FRMPD1: variants seen among roughly 807,000 people sequenced by gnomAD.
FRMPD1 encodes FERM and PDZ domain-containing protein 1.
FRMPD1 carries 76 observed loss-of-function variants against 117.8 expected under a neutral mutation model. The ratio of observed to expected loss-of-function variants is 0.65; its 90% CI spans 0.54 to 0.78. The LOEUF (loss-of-function observed/expected upper bound fraction) is 0.78. Among genes scored for constraint, FRMPD1 ranks in the 30% least tolerant of loss-of-function variants. The pLI is 0.00. For missense variants in FRMPD1, 1,786 were observed against 1,964.5 expected (o/e 0.91, Z 1.72); for synonymous variants, 783 against 770.4 (o/e 1.02, Z -0.27).
At chr9:37,696,051 CTTTTTTTTTT>C (rs61521469) in intron 2 of FRMPD1, among the ~76,000 whole-genome samples, 2 of 78,126 alleles carry the variant, frequency 2.6e-5, no homozygotes, top group Non-Finnish European at 4.8e-5. Context: ...CATTGTTTTG[CTTTTTTTTTT>C]TTTTTTTTTT....
At chr9:37,698,721 C>T (rs1822423080) in intron 2 of FRMPD1, among the ~76,000 whole-genome samples, 1 of 151,794 alleles carries the variant, frequency 6.6e-6, no homozygotes, top group African/African-American at 2.4e-5. Flanking sequence ...GCCACCACAC[C>T]TGGCTAATTT....
In FRMPD1 at chr9:37,746,448, C is replaced by T. The variant is rs1352567052; in HGVS notation, c.4416C>T (p.Ser1472=). 5.0e-6 allele frequency: 8 copies of T among 1,613,596 alleles called. No homozygotes were observed. The highest frequency in any genetic ancestry group is 6.8e-6 in the Non-Finnish European group (8 of 1,180,026). Residue 1472 remains serine, a synonymous_variant, in exon 16 of 16, where the codon AGC becomes AGT. Transcript: ENST00000377765. ...LCMGSQKLLS[S]CRHVIRMDQS... is the part of the protein sequence containing the mutation. ...TGGGCTCCCAGAAGCTCCTGTCGAGCTGTCGGCATGTGATCAGAATGGACC... is the reference window on the plus strand; with the variant it reads ...TGGGCTCCCAGAAGCTCCTGTCGAGTTGTCGGCATGTGATCAGAATGGACC...
intron 1 of FRMPD1, among the ~76,000 whole-genome samples, chr9:37,677,351 G>A (rs985545797): frequency 2.0e-5 from 3 of 152,232 alleles, no homozygotes; most frequent in African/African-American, 7.2e-5. Context: ...ACACAGAAAT[G>A]TGGAGTCAAA....
At chr9:37,644,578 G>A in the FRMPD1 span, among the ~76,000 whole-genome samples, 1 of 152,160 alleles carries the variant, frequency 6.6e-6, no homozygotes, top group East Asian at 1.9e-4. Flanking sequence ...AGCCCCCTGG[G>A]TAGGCACGCT....
At chr9:37,664,301 GTATGTATT>G (rs779906501) in intron 1 of FRMPD1, among the ~76,000 whole-genome samples, 27 of 150,998 alleles carry the variant, frequency 1.8e-4, no homozygotes, top group Non-Finnish European at 2.6e-4. Flanking sequence ...ATGTATGTAT[GTATGTATT>G]TATTTATTTA....
At chr9:37,653,206 GAAT>G (rs1283594096) in intron 1 of FRMPD1, among the ~76,000 whole-genome samples, 2 of 152,098 alleles carry the variant, frequency 1.3e-5, no homozygotes, top group East Asian at 1.9e-4. Flanking sequence ...CGTAAAACGG[GAAT>G]AATAATAATT....
intron 2 of FRMPD1, chr9:37,693,115 G>GAC (rs374065178): frequency 1.5e-5 from 3 of 202,380 alleles, no homozygotes; most frequent in Non-Finnish European, 2.0e-5. Flanking sequence ...CACACACACA[G>GAC]ACACACACAC....
At chr9:37,663,667 T>C (rs778569734) in intron 1 of FRMPD1, among the ~76,000 whole-genome samples, 4 of 152,238 alleles carry the variant, frequency 2.6e-5, no homozygotes, top group Non-Finnish European at 4.4e-5. Flanking sequence ...CGTAGTGTTT[T>C]GTCTATATAG....
At chr9:37,664,526 T>C (rs141109725) in intron 1 of FRMPD1, among the ~76,000 whole-genome samples, 396 of 152,154 alleles carry the variant, frequency 2.6e-3, no homozygotes, top group African/African-American at 9.2e-3. Flanking sequence ...CGTGTCCATG[T>C]GTTCTCATTG....
At position 37,745,711 on chromosome 9, in the gene FRMPD1, A is replaced by G. The variant is rs764401002; in HGVS notation, c.3679A>G (p.Lys1227Glu). 5.0e-6 allele frequency: 8 copies of G among 1,614,160 alleles called. No individual in the cohort carries two copies. In the Admixed American group the frequency reaches 1.3e-4, roughly 27 times the overall value. Residue 1227 changes from lysine (K) to glutamate (E), a missense_variant, in exon 16 of 16, where the codon AAG becomes GAG. Transcript: ENST00000377765. ...ACCAGCCGTCCCTCCAGAGGGGATC[A>G]AGGCAGAGGCACCTAACCATGTGAC... The part of the protein sequence containing the change: ...VSPAVPPEGI[K>E]AEAPNHVTGQ...
intron 2 of FRMPD1, among the ~76,000 whole-genome samples, chr9:37,696,008 C>A (rs1822306906): frequency 6.7e-6 from 1 of 149,518 alleles, no homozygotes; most frequent in Non-Finnish European, 1.5e-5. Flanking sequence ...CCAGCCTCAC[C>A]TTGTTCCTCT....
the FRMPD1 span, among the ~76,000 whole-genome samples, chr9:37,645,100 G>GGAAAAAA: frequency 8.4e-6 from 1 of 119,572 alleles, no homozygotes. Context: ...TGAGCCAGCA[G>GGAAAAAA]AAAAAAAAAA....
At chr9:37,685,365 T>C (rs10814597) in intron 1 of FRMPD1, among the ~76,000 whole-genome samples, 85,128 of 151,984 alleles carry the variant, frequency 0.56, 28,270 homozygotes, top group Non-Finnish European at 0.74. Context: ...GCCTTTCGGC[T>C]GGGCGCAGTG....
Position 37,724,246 on chromosome 9 carries a change from C to A in FRMPD1, c.538C>A (p.Pro180Thr). 1 of 1,594,368 alleles carries A rather than the reference C, an allele frequency of 6.3e-7. No homozygotes were observed. Among genetic ancestry groups the A allele is most frequent in the Non-Finnish European group, 8.6e-7 (1 of 1,162,006 alleles). ...HSQGNSLLCM[P>T]NVLKLYLENG... Reference sequence around the variant, plus strand: ...CCAGGGTAATTCTCTGCTGTGTATGCCCAACGTGCTCAAGCTATACTTGGA... The same window carrying A: ...CCAGGGTAATTCTCTGCTGTGTATGACCAACGTGCTCAAGCTATACTTGGA... The change falls in exon 7 of 16, where the codon CCC becomes ACC. Residue 180 changes from proline (P) to threonine (T), a missense_variant. Coordinates refer to ENST00000377765, the MANE Select transcript of FRMPD1 (RefSeq NM_014907.3).
At chr9:37,651,286 C>A (rs1820665479) in intron 1 of FRMPD1, among the ~76,000 whole-genome samples, 192 bp downstream of exon 1, 1 of 152,226 alleles carries the variant, frequency 6.6e-6, no homozygotes, top group African/African-American at 2.4e-5. Context: ...CAGGACCTGC[C>A]ATCGTGAACT....
At chr9:37,692,934 T>C (rs940553208) in intron 2 of FRMPD1, among the ~76,000 whole-genome samples, 192 bp downstream of exon 2, 13 of 152,176 alleles carry the variant, frequency 8.5e-5, no homozygotes, top group African/African-American at 2.2e-4. Flanking sequence ...ACCCCCAACA[T>C]GTACCTACAC....
chr9:37,715,927 G>A (rs551791992), intron 5 of FRMPD1, among the ~76,000 whole-genome samples: 7 of 152,264 alleles, frequency 4.6e-5, no homozygotes, highest in South Asian at 2.1e-4. Flanking sequence ...AAATGGCAAC[G>A]ATTTGGAAGA....
At chr9:37,678,737 A>G (rs1821619754) in intron 1 of FRMPD1, among the ~76,000 whole-genome samples, 1 of 152,228 alleles carries the variant, frequency 6.6e-6, no homozygotes, top group African/African-American at 2.4e-5. Flanking sequence ...ATAAATATCT[A>G]TAGAATAAAT....
chr9:37,625,961 G>A, the FRMPD1 span, among the ~76,000 whole-genome samples: 6 of 152,234 alleles, frequency 3.9e-5, no homozygotes, highest in East Asian at 9.6e-4. Flanking sequence ...GGCGGCTCAC[G>A]CCTGTAGTCC....
Sources: gnomAD v4.1 joint callset for allele counts (sites outside exome capture counted in the v4.1 genomes callset) on GRCh38, gnomAD v4.1.1 for gene constraint, MANE v1.5 for transcripts, NCBI Gene and HGNC (gene_info 2026-07-23, HGNC 2026-07-21) for gene names.